Variants in NSUN3 observed in about 807,000 individuals in gnomAD.
The protein encoded by NSUN3 is NOP2/Sun RNA methyltransferase 3, also known as tRNA (cytosine(34)-C(5))-methyltransferase, mitochondrial.
NSUN3 carries 24 observed loss-of-function variants against 36.8 expected under a neutral mutation model. The ratio of observed to expected loss-of-function variants is 0.65; its 90% CI spans 0.47 to 0.92. The LOEUF (loss-of-function observed/expected upper bound fraction) is 0.92. Among genes scored for constraint, NSUN3 ranks in the 40% least tolerant of loss-of-function variants. NSUN3 has a pLI of 0.00. For missense variants in NSUN3, 381 were observed against 392.8 expected, an observed-to-expected ratio of 0.97 and a Z score of 0.25; for synonymous variants, 146 against 145.2, an observed-to-expected ratio of 1.01 and a Z score of -0.04.
intron 3 of NSUN3, chr3:94,084,749 T>G (rs2107247688): frequency 3.9e-6 from 1 of 256,074 alleles, no homozygotes; most frequent in South Asian, 6.7e-5. Flanking sequence ...ATTGTTTACC[T>G]TTATACTTGA....
intron 5 of NSUN3, among the ~76,000 whole-genome samples, chr3:94,106,219 A>C (rs545164263): frequency 2.0e-5 from 3 of 152,290 alleles, no homozygotes; most frequent in Admixed American, 2.0e-4. Context: ...GAAATATTGA[A>C]TATAAATATA....
At chr3:94,101,033 G>T (rs2077363807) in intron 5 of NSUN3, among the ~76,000 whole-genome samples, 2 of 151,396 alleles carry the variant, frequency 1.3e-5, no homozygotes, top group Admixed American at 6.6e-5. Context: ...CTGTCTCCCA[G>T]GCTAAAGCGC....
intron 5 of NSUN3, 44 bp downstream of exon 5, chr3:94,095,198 A>G (rs2077332724): frequency 1.3e-6 from 2 of 1,592,982 alleles, no homozygotes; most frequent in Non-Finnish European, 8.6e-7. Context: ...GTCTGATGTA[A>G]TTTACACAGG....
chr3:94,108,866 TG>T (rs1237630243), intron 5 of NSUN3, among the ~76,000 whole-genome samples: 1 of 152,072 alleles, frequency 6.6e-6, no homozygotes, highest in Non-Finnish European at 1.5e-5. Flanking sequence ...GGTTTCACCA[TG>T]TTGGTCAGGC....
intron 5 of NSUN3, among the ~76,000 whole-genome samples, chr3:94,119,218 T>C (rs1468464268): frequency 6.6e-6 from 1 of 152,202 alleles, no homozygotes; most frequent in East Asian, 1.9e-4. Flanking sequence ...AAATACATCT[T>C]TTAATTTTGA....
At chr3:94,106,022 A>C (rs559216383) in intron 5 of NSUN3, among the ~76,000 whole-genome samples, 7 of 152,210 alleles carry the variant, frequency 4.6e-5, no homozygotes, top group African/African-American at 1.7e-4. Flanking sequence ...CCTTATGTTC[A>C]ATTTTAGTGG....
At chr3:94,112,068 A>G (rs2077420101) in intron 5 of NSUN3, among the ~76,000 whole-genome samples, 1 of 152,190 alleles carries the variant, frequency 6.6e-6, no homozygotes, top group Non-Finnish European at 1.5e-5. Flanking sequence ...TGCAAAGGCC[A>G]TCTGCTGGAG....
intron 2 of NSUN3, among the ~76,000 whole-genome samples, chr3:94,080,231 A>G (rs2077261917): frequency 6.6e-6 from 1 of 152,142 alleles, no homozygotes. Context: ...TTGCCTGGGT[A>G]TCACCAGCGG....
At chr3:94,086,185 C>G (rs2077292159) in intron 3 of NSUN3, among the ~76,000 whole-genome samples, 1 of 152,180 alleles carries the variant, frequency 6.6e-6, no homozygotes, top group Non-Finnish European at 1.5e-5. Flanking sequence ...CTCAAGTGAT[C>G]TGCCCACCTG....
At chr3:94,080,718 C>T (rs1158375579) in intron 2 of NSUN3, among the ~76,000 whole-genome samples, 1 of 152,192 alleles carries the variant, frequency 6.6e-6, no homozygotes, top group Non-Finnish European at 1.5e-5. Context: ...GTAAAACCAC[C>T]TACTCAAGCC....
At chr3:94,067,086 A>G (rs967061634) in intron 2 of NSUN3, among the ~76,000 whole-genome samples, 1 of 152,164 alleles carries the variant, frequency 6.6e-6, no homozygotes, top group East Asian at 1.9e-4. Context: ...GTGTCAACTC[A>G]ACATCCAGAA....
At chr3:94,122,986 T>C (rs2077470477) in intron 5 of NSUN3, among the ~76,000 whole-genome samples, 1 of 152,372 alleles carries the variant, frequency 6.6e-6, no homozygotes, top group East Asian at 1.9e-4. Context: ...TAAAATTCCT[T>C]GTCTCTTGGT....
intron 2 of NSUN3, among the ~76,000 whole-genome samples, chr3:94,073,266 T>G (rs1387252157): frequency 6.6e-6 from 1 of 152,222 alleles, no homozygotes; most frequent in African/African-American, 2.4e-5. Flanking sequence ...TAAACATATG[T>G]GTGCATGTGT....
chr3:94,077,151 A>C (rs1397736530), intron 2 of NSUN3: 1 of 729,452 alleles, frequency 1.4e-6, no homozygotes, highest in Non-Finnish European at 2.6e-6. Context: ...CTGCGTCATC[A>C]AAGGCTGCTT....
At chr3:94,088,966 G>C (rs1180704057) in intron 3 of NSUN3, among the ~76,000 whole-genome samples, 1 of 152,148 alleles carries the variant, frequency 6.6e-6, no homozygotes, top group Non-Finnish European at 1.5e-5. Context: ...CCCACGCCTG[G>C]CCCAGATTAT....
At chr3:94,123,244 T>C (rs766389929) in intron 5 of NSUN3, among the ~76,000 whole-genome samples, 2 of 152,206 alleles carry the variant, frequency 1.3e-5, no homozygotes, top group African/African-American at 2.4e-5. Flanking sequence ...TTCACTCCTT[T>C]CACTGCTCTT....
rs1239695611 is a variant in NSUN3 at position 94,128,602 on chromosome 3, T to A, written c.*2112T>A. ...GTGTGTGTATATATATATATATATA[T>A]AATTTTATTAAAAGCAATTGCCCCA... is the stretch of plus-strand genomic sequence containing the variant. On this transcript the variant is annotated 3_prime_UTR_variant, in exon 6 of 6. Coordinates refer to ENST00000314622, the MANE Select transcript of NSUN3 (RefSeq NM_022072.5). 6.7e-6 allele frequency: 1 copy of A among 148,430 alleles called. No homozygotes were observed. Among genetic ancestry groups the A allele is most frequent in the African/African-American group, 2.5e-5 (1 of 40,092 alleles). 9.2% of individuals were successfully genotyped at this position (148,430 alleles called of 1,614,324 possible).
chr3:94,064,071 T>G (rs899063614), intron 1 of NSUN3: 1 of 177,470 alleles, frequency 5.6e-6, no homozygotes, highest in South Asian at 1.1e-4. Flanking sequence ...GGTCTTGAAC[T>G]CCAGACCTCA....
At chr3:94,088,388 A>G (rs892469702) in intron 3 of NSUN3, among the ~76,000 whole-genome samples, 1 of 152,076 alleles carries the variant, frequency 6.6e-6, no homozygotes, top group Non-Finnish European at 1.5e-5. Context: ...TCATATATAA[A>G]TCTTTCTAAA....
Sources: gnomAD v4.1 joint callset for allele counts (sites outside exome capture counted in the v4.1 genomes callset) on GRCh38, gnomAD v4.1.1 for gene constraint, MANE v1.5 for transcripts, NCBI Gene and HGNC (gene_info 2026-07-23, HGNC 2026-07-21) for gene names.